The following CP variants were observed in gnomAD, a reference collection of about 807,000 sequenced individuals.
CP encodes the protein caeruloplasmin.
CP carries 64 observed loss-of-function variants against 122.4 expected under a neutral mutation model. That is an observed-to-expected ratio of 0.52 (90% confidence interval 0.43 to 0.64). The LOEUF is 0.64. Among genes scored for constraint, CP ranks in the 30% least tolerant of loss-of-function variants. CP has a pLI of 0.00. For missense variants in CP, 1,167 were observed against 1,284.4 expected, an observed-to-expected ratio of 0.91 and a Z score of 1.40; for synonymous variants, 440 against 436.4, an observed-to-expected ratio of 1.01 and a Z score of -0.10.
intron 4 of CP, chr3:149,166,956 TAAG>T (rs1724485535): frequency 1.7e-6 from 2 of 1,143,706 alleles, no homozygotes; most frequent in Non-Finnish European, 2.6e-6. Flanking sequence ...GGTTTAGTCT[TAAG>T]AAATTGAATT....
At chr3:149,201,459 C>T (rs1440888068) in intron 7 of CP, among the ~76,000 whole-genome samples, 1 of 148,972 alleles carries the variant, frequency 6.7e-6, no homozygotes, top group African/African-American at 2.6e-5. Context: ...ACATCTTTAA[C>T]TAAGTGCAGA....
At chr3:149,180,676 A>G (rs1257330703) in intron 14 of CP, among the ~76,000 whole-genome samples, 1 of 152,112 alleles carries the variant, frequency 6.6e-6, no homozygotes, top group African/African-American at 2.4e-5. Flanking sequence ...AGCTGTTCCT[A>G]TGTCCTCACC....
At chr3:149,202,951 G>A (rs1044680987) in intron 6 of CP, among the ~76,000 whole-genome samples, 1 of 140,444 alleles carries the variant, frequency 7.1e-6, no homozygotes, top group African/African-American at 2.7e-5. Context: ...CTGTTGCCCA[G>A]GCTGGAGTGC....
Position 149,185,306 on chromosome 3 carries a change from C to A in CP, c.2218G>T (p.Glu740Ter). 1 of 1,614,074 alleles carries A rather than the reference C, an allele frequency of 6.2e-7. No homozygotes were observed. Among genetic ancestry groups the A allele is most frequent in the Non-Finnish European group, 8.5e-7 (1 of 1,180,026 alleles). ...TGTGGGGAATAATCCCATTCCACCT[C>A]CACTGCTGCGATATAGTATGTCCTC... is the stretch of plus-strand genomic sequence containing the variant. ...GERTYYIAAVEVEWDYSPQRE... is the reference protein window; with the variant it reads ...GERTYYIAAV Residue 740 changes from glutamate to a stop codon, truncating the protein, a stop_gained, in exon 12 of 19, where the codon GAG becomes TAG. Coordinates refer to ENST00000264613, the MANE Select transcript of CP (RefSeq NM_000096.4). LOFTEE classifies it high-confidence loss of function.
In CP at chr3:149,212,734, A is replaced by G. The variant is rs758659514; in HGVS notation, c.147-36T>C. 2.5e-6 allele frequency: 4 copies of G among 1,608,944 alleles called. No homozygotes were observed. The Admixed American group carries it at 5.0e-5, about 20-fold the overall frequency. On this transcript the variant is annotated intron_variant, in intron 1 of 18. Transcript: ENST00000264613. Reference sequence around the variant, plus strand: ...AAACAAGACAACTCTATCAGAAGCCATCATTTCTAGGGATGACATTATCAT... The same window carrying G: ...AAACAAGACAACTCTATCAGAAGCCGTCATTTCTAGGGATGACATTATCAT...
At chr3:149,219,629 T>C (rs1162792899) in intron 1 of CP, among the ~76,000 whole-genome samples, 2 of 151,858 alleles carry the variant, frequency 1.3e-5, no homozygotes, top group African/African-American at 4.8e-5. Context: ...TAAACCTCTT[T>C]TTCTTTATAA....
rs751734638 is a variant in CP at position 149,204,382 on chromosome 3, G to C, written c.1208+1786C>G. Among the ~76,000 whole-genome samples the C allele has an allele frequency of 4.9e-4, 74 of 152,326 alleles. 1 individual carries two copies. The highest frequency in any genetic ancestry group is 1.2e-4 in the Non-Finnish European group (8 of 68,032). On this transcript the variant is annotated intron_variant, in intron 6 of 18. Coordinates refer to ENST00000264613, the MANE Select transcript of CP (RefSeq NM_000096.4). ...CATAGGTATTGGCAAAGAAGATGGA[G>C]AGAAGTAGACAGCCTTCAGAGATAG...
intron 2 of CP, 29 bp downstream of exon 2, chr3:149,212,422 G>A (rs750098196): frequency 6.2e-7 from 1 of 1,613,032 alleles, no homozygotes; most frequent in Non-Finnish European, 8.5e-7. Context: ...AAAGTAAGAG[G>A]AAATTCCAGC....
intron 6 of CP, among the ~76,000 whole-genome samples, chr3:149,205,535 T>C (rs887361748): frequency 2.6e-5 from 4 of 152,016 alleles, no homozygotes; most frequent in African/African-American, 9.7e-5. Context: ...ATATGGTATA[T>C]ACATACAATG....
rs1283146785 is a variant in CP, at chr3:149,198,416, C to T, written c.1664G>A (p.Gly555Glu). ...TCCTTTCTTGCATATTTTCATTGGC[C>T]CAATAAGCCCAGTGAATATATCTTT... is the stretch of plus-strand genomic sequence containing the variant. The part of the protein sequence containing the change: ...PTKDIFTGLI[G>E]PMKICKKGSL... Residue 555 changes from glycine to glutamate, a missense_variant, in exon 9 of 19, where the codon GGG becomes GAG. Around this residue, in one of 2 missense-constraint regions of CP, gnomAD observed 525 missense variants for 657.2 expected, o/e 0.80. Coordinates refer to ENST00000264613, the MANE Select transcript of CP (RefSeq NM_000096.4). The T allele has an allele frequency of 2.5e-6, 4 of 1,613,682 alleles. No individual in the cohort carries two copies. The highest frequency in any genetic ancestry group is 2.2e-5 in the East Asian group (1 of 44,880).
chr3:149,167,851 A>C (rs777133486), downstream of CP: 2 of 1,121,914 alleles, frequency 1.8e-6, no homozygotes, highest in Admixed American at 1.7e-5. Context: ...TCTGAGAATA[A>C]AATGCATCAA....
chr3:149,199,764 A>T lies in CP; in HGVS notation c.1449T>A (p.Asn483Lys), dbSNP rs564491051. The change falls in exon 8 of 19, where the codon AAT (asparagine) becomes AAA (lysine). Residue 483 changes from asparagine to lysine, a missense_variant. Transcript: ENST00000264613. ...LSIEPIGVRF[N>K]KNNEGTYYSP... ...AATAGTATGTGCCCTCGTTGTTCTTATTGAATCTCACCCCAATCGGCTCAA... is the reference window on the plus strand; with the variant it reads ...AATAGTATGTGCCCTCGTTGTTCTTTTTGAATCTCACCCCAATCGGCTCAA... 1 of 1,614,054 alleles carries T rather than the reference A, an allele frequency of 6.2e-7. No homozygotes were observed. Among genetic ancestry groups the T allele is most frequent in the South Asian group, 1.1e-5 (1 of 91,070 alleles).
chr3:149,199,527 A>G (rs576402416), intron 8 of CP, among the ~76,000 whole-genome samples, 185 bp downstream of exon 8: 1 of 152,370 alleles, frequency 6.6e-6, no homozygotes, highest in Non-Finnish European at 1.5e-5. Context: ...AAGGCAGGAC[A>G]AAATTCCGTA....
chr3:149,183,640 C>T, intron 12 of CP, 35 bp from the exon 13 acceptor site: 1 of 1,438,942 alleles, frequency 6.9e-7, no homozygotes, highest in Non-Finnish European at 9.5e-7. Flanking sequence ...TAGTATTTGT[C>T]TTAATGAAAA....
rs34670346 is a variant in CP at position 149,209,937 on chromosome 3, A to T, written c.607+230T>A. On this transcript the variant is annotated intron_variant, in intron 3 of 18. Coordinates refer to ENST00000264613, the MANE Select transcript of CP (RefSeq NM_000096.4). ...ACAGCAAACTGAACCCTGAGAGAAT[A>T]TATTTCTTTCACATTACCTTCATTG... 0.015 allele frequency among the ~76,000 whole-genome samples: 2,240 copies of T among 152,254 alleles called. 55 individuals carry two copies. Among genetic ancestry groups the T allele is most frequent in the African/African-American group, 0.051 (2,110 of 41,544 alleles).
rs543777038 is a variant in CP, at chr3:149,207,478, C to A, written c.921G>T (p.Lys307Asn). Residue 307 changes from lysine (K) to asparagine (N), a missense_variant, in exon 5 of 19, where the codon AAG (lysine) becomes AAT (asparagine). Transcript: ENST00000264613. Reference protein sequence around the residue: ...AFFHGQALTNKNYRIDTINLF... With the variant: ...AFFHGQALTNNNYRIDTINLF... ...GGTTGATTGTGTCAATACGGTAGTT[C>A]TTGTTAGTCAGTGCTTGCCCGTGAA... 19 of 1,613,962 alleles carry A rather than the reference C, an allele frequency of 1.2e-5. No homozygotes were observed. In the Admixed American group the frequency reaches 1.7e-4, roughly 14 times the overall value.
chr3:149,209,816 A>G (rs1481980817), intron 3 of CP, among the ~76,000 whole-genome samples: 3 of 152,206 alleles, frequency 2.0e-5, no homozygotes, highest in African/African-American at 7.2e-5. Context: ...CCAATATAGT[A>G]TGAGTAACTA....
chr3:149,212,570 A>G lies in CP; in HGVS notation c.275T>C (p.Phe92Ser), dbSNP rs201713774. The change falls in exon 2 of 19, where the codon TTT becomes TCT. Residue 92 changes from phenylalanine (F) to serine (S), a missense_variant. By Grantham distance (155) the Phe-to-Ser change is radical. Transcript: ENST00000264613. Reference protein sequence around the residue: ...TTIEKPVWLGFLGPIIKAETG... With the variant: ...TTIEKPVWLGSLGPIIKAETG... ...TTCAGCTTTGATAATAGGGCCTAAA[A>G]ACCCAAGCCAGACCGGTTTTTCTAT... is the stretch of plus-strand genomic sequence containing the variant. 3.1e-6 allele frequency: 5 copies of G among 1,614,048 alleles called. No individual in the cohort carries two copies. The Admixed American group carries it at 6.7e-5, about 22-fold the overall frequency.
chr3:149,202,957 A>G (rs1576767405), intron 6 of CP, among the ~76,000 whole-genome samples: 3 of 125,892 alleles, frequency 2.4e-5, no homozygotes, highest in South Asian at 2.8e-4. Context: ...CCCAGGCTGG[A>G]GTGCAGTGGT....
Sources: gnomAD v4.1 joint callset for allele counts (sites outside exome capture counted in the v4.1 genomes callset) on GRCh38, gnomAD v4.1.1 for gene constraint, gnomAD v4.1.1 regional missense constraint, MANE v1.5 for transcripts, NCBI Gene and HGNC (gene_info 2026-07-23, HGNC 2026-07-21) for gene names.